THADA: variants seen among roughly 807,000 people sequenced by gnomAD.
THADA encodes the protein THADA armadillo repeat containing, also known as tRNA (32-2'-O)-methyltransferase regulator THADA.
THADA carries 213 observed loss-of-function variants against 219.8 expected under a neutral mutation model. That is an observed-to-expected ratio of 0.97 (90% CI 0.87 to 1.09). THADA has a LOEUF of 1.09. THADA is among the 50% of genes least tolerant of loss of function. The probability of loss-of-function intolerance (pLI) is 0.00; values close to 1 mark genes in which losing one functional copy is unlikely to be tolerated. For synonymous variants in THADA, 1,018 were observed against 828.9 expected (o/e 1.23, Z -3.92); for missense variants, 2,956 against 2,311.3 (o/e 1.28, Z -5.72).
chr2:43,590,445 A>C (rs1404031446), intron 4 of THADA, among the ~76,000 whole-genome samples: 1 of 152,040 alleles, frequency 6.6e-6, no homozygotes, highest in Non-Finnish European at 1.5e-5. Context: ...TGGGAGGCTG[A>C]GAAGGCGGAT....
intron 36 of THADA, among the ~76,000 whole-genome samples, chr2:43,256,358 T>C (rs1410109799): frequency 1.3e-5 from 2 of 152,104 alleles, no homozygotes; most frequent in Non-Finnish European, 2.9e-5. Context: ...CTACTTTTTT[T>C]TTTTTTAAAC....
At chr2:43,466,927 A>G (rs573269575) in intron 26 of THADA, among the ~76,000 whole-genome samples, 2 of 151,014 alleles carry the variant, frequency 1.3e-5, no homozygotes, top group Non-Finnish European at 3.0e-5. Flanking sequence ...TCACGCCTGT[A>G]ATCCCAGCAC....
intron 29 of THADA, chr2:43,370,236 T>A (rs1670638208): frequency 6.6e-6 from 1 of 152,238 alleles, no homozygotes; most frequent in Non-Finnish European, 1.5e-5. Flanking sequence ...TTTGGCCAGA[T>A]TTCTAGAAAC....
chr2:43,327,800 A>G (rs919517710), intron 30 of THADA, among the ~76,000 whole-genome samples: 50 of 152,100 alleles, frequency 3.3e-4, no homozygotes, highest in African/African-American at 1.1e-3. Context: ...CCCCTCCTCT[A>G]TTTCTAGAGG....
At chr2:43,440,448 C>T (rs1310597423) in intron 26 of THADA, among the ~76,000 whole-genome samples, 1 of 152,130 alleles carries the variant, frequency 6.6e-6, no homozygotes, top group African/African-American at 2.4e-5. Flanking sequence ...CACTGTTTTA[C>T]ACAGGGAGAA....
intron 29 of THADA, among the ~76,000 whole-genome samples, chr2:43,382,581 T>A (rs1461640051): frequency 6.6e-6 from 1 of 152,192 alleles, no homozygotes; most frequent in Non-Finnish European, 1.5e-5. Context: ...AAAATTAGAA[T>A]TTAAGCCAAA....
intron 28 of THADA, among the ~76,000 whole-genome samples, chr2:43,420,647 A>G (rs897865838): frequency 1.3e-5 from 2 of 152,226 alleles, no homozygotes; most frequent in African/African-American, 4.8e-5. Flanking sequence ...ATTCCATAAG[A>G]GGTGAACTCC....
At chr2:43,450,091 A>T (rs1172357688) in intron 26 of THADA, among the ~76,000 whole-genome samples, 1 of 152,214 alleles carries the variant, frequency 6.6e-6, no homozygotes. Context: ...TGAAAAATAA[A>T]GATCTCAGTA....
At chr2:43,513,072 C>A (rs903789510) in intron 22 of THADA, among the ~76,000 whole-genome samples, 3 of 152,140 alleles carry the variant, frequency 2.0e-5, no homozygotes, top group Admixed American at 6.6e-5. Context: ...GCTGTACAAT[C>A]CAAGGCAATT....
intron 35 of THADA, among the ~76,000 whole-genome samples, chr2:43,285,577 T>G (rs1174741189): frequency 6.6e-6 from 1 of 152,034 alleles, no homozygotes; most frequent in Admixed American, 6.6e-5. Context: ...GTTTTTTTTT[T>G]TTTTTGAGAT....
intron 36 of THADA, among the ~76,000 whole-genome samples, chr2:43,255,948 C>A (rs982185917): frequency 1.3e-5 from 2 of 152,146 alleles, no homozygotes; most frequent in African/African-American, 4.8e-5. Flanking sequence ...TTTACAGGGT[C>A]AAGAAGACAC....
intron 30 of THADA, among the ~76,000 whole-genome samples, chr2:43,323,808 T>C (rs1014621551): frequency 2.6e-5 from 4 of 152,114 alleles, no homozygotes; most frequent in African/African-American, 9.7e-5. Flanking sequence ...CCGGGCCATG[T>C]AAGATGGGAA....
intron 31 of THADA, among the ~76,000 whole-genome samples, chr2:43,297,745 G>A (rs531937394): frequency 6.4e-3 from 695 of 109,042 alleles, no homozygotes; most frequent in South Asian, 0.023. Flanking sequence ...CCCCCCGCCC[G>A]GCCAGCCGCC....
chr2:43,530,367 C>T lies in THADA; in HGVS notation c.3265-2379G>A, dbSNP rs191295363. On this transcript the variant is annotated intron_variant, in intron 21 of 37. Coordinates refer to ENST00000405975, the MANE Select transcript of THADA (RefSeq NM_022065.5). ...GAACAGAATTATCAAGGCTTAAATC[C>T]GAATTAAACCCCTAAAATAGGGCTG... Among the ~76,000 whole-genome samples, 8 of 152,074 alleles carry T rather than the reference C, an allele frequency of 5.3e-5. No individual in the cohort carries two copies. In the East Asian group the frequency reaches 5.8e-4, roughly 11 times the overall value.
At chr2:43,316,591 C>T (rs145231164) in intron 31 of THADA, among the ~76,000 whole-genome samples, 6 of 152,172 alleles carry the variant, frequency 3.9e-5, no homozygotes, top group South Asian at 4.2e-4. Context: ...CAATGCTGCA[C>T]GGCTGGAGGA....
intron 30 of THADA, among the ~76,000 whole-genome samples, chr2:43,328,559 C>T (rs1679597474): frequency 6.6e-6 from 1 of 152,198 alleles, no homozygotes; most frequent in Admixed American, 6.5e-5. Context: ...TACTGAGCTA[C>T]CATGCACAAA....
At chr2:43,581,633 C>T (rs1700469160) in intron 8 of THADA, 108 bp downstream of exon 8, 1 of 952,406 alleles carries the variant, frequency 1.0e-6, no homozygotes, top group East Asian at 2.7e-5. Flanking sequence ...GGACACATTC[C>T]ACATCTCAGT....
rs28615946 is a variant in THADA at position 43,484,529 on chromosome 2, T to C, written c.3836+705A>G. ...TGTTAACAACTGCAAGTCAATTAGATTACCATTAAATCCTCTTAAGTGCTA... is the reference window on the plus strand; with the variant it reads ...TGTTAACAACTGCAAGTCAATTAGACTACCATTAAATCCTCTTAAGTGCTA... On this transcript the variant is annotated intron_variant, in intron 26 of 37. Coordinates refer to ENST00000405975, the MANE Select transcript of THADA (RefSeq NM_022065.5). 1,047 of 169,184 alleles carry C rather than the reference T, an allele frequency of 6.2e-3. 16 individuals carry two copies. The highest frequency in any genetic ancestry group is 0.024 in the African/African-American group (1,006 of 41,638). 10.5% of individuals were successfully genotyped at this position (169,184 alleles called of 1,614,324 possible). A position where few individuals can be genotyped will look rare whatever the true frequency, so the allele number is the denominator to read the frequency against.
At chr2:43,365,809 A>T (rs1218687701) in intron 29 of THADA, among the ~76,000 whole-genome samples, 1 of 152,110 alleles carries the variant, frequency 6.6e-6, no homozygotes, top group African/African-American at 2.4e-5. Flanking sequence ...TTTGCTGAAG[A>T]TGGAAAGGCC....
Sources: gnomAD v4.1 joint callset for allele counts (sites outside exome capture counted in the v4.1 genomes callset) on GRCh38, gnomAD v4.1.1 for gene constraint, MANE v1.5 for transcripts, NCBI Gene and HGNC (gene_info 2026-07-23, HGNC 2026-07-21) for gene names.